SOX5: variants seen among roughly 807,000 people sequenced by gnomAD.
SOX5 encodes the protein SRY-box transcription factor 5.
Under a neutral mutation model 92.0 loss-of-function variants are expected in SOX5, and 9 were observed. The ratio of observed to expected loss-of-function variants is 0.10; its 90% CI spans 0.06 to 0.17. The LOEUF is 0.17. Among genes scored for constraint, SOX5 ranks in the 10% least tolerant of loss-of-function variants. SOX5 has a pLI of 1.00. For missense variants in SOX5, 642 were observed against 944.5 expected, an observed-to-expected ratio of 0.68 and a Z score of 4.20; for synonymous variants, 344 against 336.3, an observed-to-expected ratio of 1.02 and a Z score of -0.25.
At chr12:24,429,707 T>G (rs868654802) in intron 1 of SOX5, among the ~76,000 whole-genome samples, 7 of 152,242 alleles carry the variant, frequency 4.6e-5, no homozygotes, top group African/African-American at 1.4e-4. Context: ...AAATGGTATG[T>G]TTTGTAGATC....
At chr12:24,198,674 G>A (rs768854946) in intron 4 of SOX5, among the ~76,000 whole-genome samples, 25 of 152,132 alleles carry the variant, frequency 1.6e-4, no homozygotes, top group African/African-American at 2.4e-5. Flanking sequence ...CAAAACTCCT[G>A]TGCTTTTACA....
chr12:24,180,894 A>G (rs914939034), intron 4 of SOX5, among the ~76,000 whole-genome samples: 5 of 152,060 alleles, frequency 3.3e-5, no homozygotes, highest in Non-Finnish European at 5.9e-5. Flanking sequence ...TACTCAACTC[A>G]CCCATGGCTC....
intron 4 of SOX5, among the ~76,000 whole-genome samples, chr12:24,129,249 A>T (rs1298490036): frequency 6.6e-6 from 1 of 152,230 alleles, no homozygotes; most frequent in Non-Finnish European, 1.5e-5. Context: ...CATTAGCAAC[A>T]TATTAACAGC....
intron 3 of SOX5, among the ~76,000 whole-genome samples, chr12:23,841,066 A>G (rs1000802117): frequency 2.0e-5 from 3 of 152,162 alleles, no homozygotes; most frequent in Non-Finnish European, 4.4e-5. Context: ...ACTGGTAGAA[A>G]TATTTGTAAA....
intron 4 of SOX5, among the ~76,000 whole-genome samples, chr12:24,153,976 C>A (rs1009751513): frequency 9.9e-5 from 15 of 152,112 alleles, no homozygotes; most frequent in African/African-American, 2.9e-4. Flanking sequence ...GAAGTAAATT[C>A]GGAGCTTGAG....
At chr12:24,037,744 CA>C in intron 4 of SOX5, among the ~76,000 whole-genome samples, 1 of 152,284 alleles carries the variant, frequency 6.6e-6, no homozygotes, top group South Asian at 2.1e-4. Context: ...TACACATCTA[CA>C]AATACAAAAT....
chr12:24,360,925 A>C (rs996431383), intron 2 of SOX5, among the ~76,000 whole-genome samples: 1 of 152,188 alleles, frequency 6.6e-6, no homozygotes, highest in African/African-American at 2.4e-5. Flanking sequence ...TCTAGTACTA[A>C]ATACATATTC....
intron 4 of SOX5, among the ~76,000 whole-genome samples, chr12:24,166,001 A>G (rs1242732689): frequency 6.6e-6 from 1 of 152,148 alleles, no homozygotes; most frequent in Non-Finnish European, 1.5e-5. Flanking sequence ...ATGTTTAAAG[A>G]GATAGTACAA....
At chr12:23,880,294 G>C (rs552627063) in intron 2 of SOX5, among the ~76,000 whole-genome samples, 1 of 152,252 alleles carries the variant, frequency 6.6e-6, no homozygotes, top group East Asian at 1.9e-4. Context: ...TGAGGAAGCA[G>C]TTCAGTCTTG....
chr12:23,607,308 G>A lies in SOX5; in HGVS notation c.1018-2775C>T, dbSNP rs566212093. Among the ~76,000 whole-genome samples the A allele has an allele frequency of 3.3e-5, 5 of 152,286 alleles. No individual in the cohort carries two copies. In the South Asian group the frequency reaches 6.2e-4, roughly 19 times the overall value. On this transcript the variant is annotated intron_variant, in intron 8 of 14. Coordinates refer to ENST00000451604, the MANE Select transcript of SOX5 (RefSeq NM_006940.6). ...AAGCAAAAATGAACCCCGTCTTAGA[G>A]AATTTAACATACTTTGAGTCTGCTC...
chr12:24,313,562 C>T (rs562078851), intron 2 of SOX5, among the ~76,000 whole-genome samples: 27 of 152,110 alleles, frequency 1.8e-4, no homozygotes, highest in Non-Finnish European at 3.8e-4. Context: ...CTGCTTCTTC[C>T]TCAGTGTTCT....
chr12:24,181,984 T>C (rs530058380), intron 4 of SOX5, among the ~76,000 whole-genome samples: 1 of 152,212 alleles, frequency 6.6e-6, no homozygotes, highest in Admixed American at 6.5e-5. Flanking sequence ...ATTTCTTTTA[T>C]GCTACCAGAT....
intron 2 of SOX5, among the ~76,000 whole-genome samples, chr12:23,861,246 T>C (rs540122345): frequency 6.6e-6 from 1 of 152,196 alleles, no homozygotes; most frequent in African/African-American, 2.4e-5. Context: ...CCCTGCCACA[T>C]AAATGTTAGA....
At chr12:23,554,927 G>T (rs889496042) in intron 11 of SOX5, among the ~76,000 whole-genome samples, 4 of 152,018 alleles carry the variant, frequency 2.6e-5, no homozygotes, top group Non-Finnish European at 4.4e-5. Context: ...GTGTCTTGAG[G>T]GCAGCTGTTT....
In SOX5 at chr12:24,450,901, ATTG is replaced by A. The variant is rs561483818; in HGVS notation, c.-250-82265_-250-82263del. 1.8e-3 allele frequency among the ~76,000 whole-genome samples: 267 copies of A among 152,152 alleles called. 1 individual carries two copies. Among genetic ancestry groups the A allele is most frequent in the African/African-American group, 6.2e-3 (258 of 41,510 alleles). On this transcript the variant is annotated intron_variant, in intron 1 of 4. Coordinates refer to the SOX5 transcript ENST00000446891. ...GTTGTGCTCTCAAATGCTAAATCTT[ATTG>A]TTTTGATTTTTTGTGCCCATTAATC...
chr12:24,376,467 A>G (rs1360090202), intron 1 of SOX5, among the ~76,000 whole-genome samples: 3 of 152,166 alleles, frequency 2.0e-5, no homozygotes, highest in Admixed American at 6.5e-5. Context: ...AACCTTGCAA[A>G]TTCATGAATA....
At chr12:23,890,812 GA>G (rs76268339) in intron 2 of SOX5, among the ~76,000 whole-genome samples, 16,781 of 135,738 alleles carry the variant, frequency 0.12, 1,057 homozygotes, top group African/African-American at 0.19. Context: ...AAGTCAAGTT[GA>G]AAAAAAAAAA....
intron 3 of SOX5, among the ~76,000 whole-genome samples, chr12:23,785,725 A>G (rs1160423536): frequency 6.6e-6 from 1 of 152,172 alleles, no homozygotes; most frequent in African/African-American, 2.4e-5. Flanking sequence ...TAGTTGGAAT[A>G]TACATATGCC....
intron 4 of SOX5, among the ~76,000 whole-genome samples, chr12:24,043,843 G>T (rs998253416): frequency 1.3e-5 from 2 of 151,816 alleles, no homozygotes; most frequent in African/African-American, 4.8e-5. Context: ...TACTTTCTTG[G>T]GCATTTTCCA....
Sources: allele counts gnomAD v4.1 joint callset (sites outside exome capture counted in the v4.1 genomes callset), GRCh38; gene constraint gnomAD v4.1.1; transcripts MANE v1.5; gene names NCBI Gene and HGNC (gene_info 2026-07-23, HGNC 2026-07-21).